The following MYO3B variants were observed in gnomAD, a reference collection of about 807,000 sequenced individuals.
The protein encoded by MYO3B is myosin-IIIb.
MYO3B carries 156 observed loss-of-function variants against 174.6 expected under a neutral mutation model. That is an observed-to-expected ratio of 0.89 (90% CI 0.78 to 1.02). The LOEUF is 1.02. MYO3B is among the 50% of genes least tolerant of loss of function. The probability of loss-of-function intolerance (pLI) is 0.00; values close to 1 mark genes in which losing one functional copy is unlikely to be tolerated. For missense variants in MYO3B, 1,632 were observed against 1,639.4 expected, an observed-to-expected ratio of 1.00 and a Z score of 0.08; for synonymous variants, 563 against 569.1, an observed-to-expected ratio of 0.99 and a Z score of 0.15.
intron 32 of MYO3B, among the ~76,000 whole-genome samples, chr2:170,553,044 G>T (rs571021103): frequency 1.3e-5 from 2 of 152,202 alleles, no homozygotes; most frequent in Non-Finnish European, 2.9e-5. Flanking sequence ...CTAGATTTCA[G>T]AGGATGTATG....
At chr2:170,391,461 A>G (rs2094411104) in intron 14 of MYO3B, 59 bp from the exon 15 acceptor site, 7 of 805,846 alleles carry the variant, frequency 8.7e-6, no homozygotes, top group Middle Eastern at 3.8e-4. Flanking sequence ...GAAATGGTGT[A>G]AAATACTTGG....
At chr2:170,649,042 GTATAT>G (rs1340937593) in intron 32 of MYO3B, among the ~76,000 whole-genome samples, 12 of 64,534 alleles carry the variant, frequency 1.9e-4, no homozygotes, top group Admixed American at 8.5e-4. Flanking sequence ...AATATATAAT[GTATAT>G]TATATAAAAT....
At chr2:170,322,145 T>C (rs1344352643) in intron 7 of MYO3B, among the ~76,000 whole-genome samples, 1 of 146,472 alleles carries the variant, frequency 6.8e-6, no homozygotes, top group African/African-American at 2.5e-5. Flanking sequence ...GTAGCAGCAC[T>C]ATAATATAGC....
At chr2:170,612,159 G>A (rs62168249) in intron 32 of MYO3B, among the ~76,000 whole-genome samples, 14 of 152,154 alleles carry the variant, frequency 9.2e-5, no homozygotes, top group Non-Finnish European at 1.6e-4. Context: ...GCATTGTCTT[G>A]TCTGTCACCT....
At chr2:170,212,097 G>A (rs7562586) in intron 3 of MYO3B, among the ~76,000 whole-genome samples, 82,485 of 151,762 alleles carry the variant, frequency 0.54, 22,461 homozygotes, top group Admixed American at 0.62. Context: ...TACAAAATTA[G>A]CTGGGTGTGG....
chr2:170,201,221 C>T (rs1431204177), intron 3 of MYO3B, among the ~76,000 whole-genome samples: 4 of 152,148 alleles, frequency 2.6e-5, no homozygotes. Context: ...GCTAAAATGA[C>T]AAGGAAAATA....
At chr2:170,259,023 G>A (rs1345709609) in intron 7 of MYO3B, among the ~76,000 whole-genome samples, 3 of 151,868 alleles carry the variant, frequency 2.0e-5, no homozygotes. Context: ...ATCTCTACGA[G>A]GATAACTAAA....
At chr2:170,514,847 G>T in intron 28 of MYO3B, 74 bp from the exon 29 acceptor site, 10 of 1,341,902 alleles carry the variant, frequency 7.5e-6, no homozygotes, top group Non-Finnish European at 1.0e-5. Flanking sequence ...TGGCCAACTT[G>T]TATCACCCAG....
At chr2:170,460,828 C>G (rs1003200319) in intron 23 of MYO3B, among the ~76,000 whole-genome samples, 9 of 152,306 alleles carry the variant, frequency 5.9e-5, no homozygotes, top group African/African-American at 2.2e-4. Flanking sequence ...GAAAACAATA[C>G]AGATTATTCC....
intron 6 of MYO3B, among the ~76,000 whole-genome samples, chr2:170,222,232 A>G (rs560420897): frequency 2.8e-4 from 43 of 152,330 alleles, no homozygotes; most frequent in Admixed American, 1.2e-3. Context: ...TGGCTCCAAC[A>G]TGCCAATAGC....
At chr2:170,285,180 T>C (rs1453065155) in intron 7 of MYO3B, among the ~76,000 whole-genome samples, 1 of 152,218 alleles carries the variant, frequency 6.6e-6, no homozygotes, top group East Asian at 1.9e-4. Context: ...TGTCTTCTTG[T>C]GGACAAGGGT....
rs17607032 is a variant in MYO3B at position 170,373,303 on chromosome 2, C to T, written c.971+3926C>T. Among the ~76,000 whole-genome samples, 2,534 of 152,286 alleles carry T rather than the reference C, an allele frequency of 0.017. 188 individuals are homozygous for T. The East Asian group carries it at 0.23, about 14-fold the overall frequency. On this transcript the variant is annotated intron_variant, in intron 9 of 34. Coordinates refer to ENST00000408978, the MANE Select transcript of MYO3B (RefSeq NM_138995.5). ...AAATTGCAAGACACGTCTTCATAGT[C>T]TATCAAATGCAATGCCAAGTACTTC...
chr2:170,205,143 G>A (rs1395206400), intron 3 of MYO3B, among the ~76,000 whole-genome samples: 1 of 152,144 alleles, frequency 6.6e-6, no homozygotes, highest in Non-Finnish European at 1.5e-5. Flanking sequence ...AGCACTGGCT[G>A]GGTAAGATTC....
intron 32 of MYO3B, among the ~76,000 whole-genome samples, chr2:170,551,646 G>A (rs1292060857): frequency 5.2e-5 from 3 of 58,076 alleles, no homozygotes; most frequent in Non-Finnish European, 1.1e-4. Context: ...GAAGAAAGAA[G>A]ACAGATTATA....
At chr2:170,298,426 C>G (rs1397130152) in intron 7 of MYO3B, among the ~76,000 whole-genome samples, 1 of 152,034 alleles carries the variant, frequency 6.6e-6, no homozygotes, top group African/African-American at 2.4e-5. Flanking sequence ...CCTGTAATCC[C>G]AACACTTTGG....
chr2:170,273,207 C>G (rs2093437946), intron 7 of MYO3B, among the ~76,000 whole-genome samples: 2 of 152,220 alleles, frequency 1.3e-5, no homozygotes, highest in Non-Finnish European at 2.9e-5. Flanking sequence ...CCCATCTCAC[C>G]CAGTGACCAT....
chr2:170,386,559 G>A (rs927890043), intron 13 of MYO3B, among the ~76,000 whole-genome samples: 1 of 152,130 alleles, frequency 6.6e-6, no homozygotes, highest in African/African-American at 2.4e-5. Context: ...AGTAAAAATG[G>A]TTAAGCACTA....
chr2:170,457,956 G>A (rs904654605), intron 23 of MYO3B, among the ~76,000 whole-genome samples: 30 of 152,084 alleles, frequency 2.0e-4, no homozygotes, highest in Middle Eastern at 3.2e-3. Flanking sequence ...GTTTCACTTC[G>A]TTGGCCAGGC....
chr2:170,414,529 A>C (rs570210923), intron 22 of MYO3B, among the ~76,000 whole-genome samples: 1 of 152,084 alleles, frequency 6.6e-6, no homozygotes, highest in Non-Finnish European at 1.5e-5. Flanking sequence ...CTTCAACTTT[A>C]TTCTTCTTTT....
Sources: allele counts gnomAD v4.1 joint callset (sites outside exome capture counted in the v4.1 genomes callset), GRCh38; gene constraint gnomAD v4.1.1; transcripts MANE v1.5; gene names NCBI Gene and HGNC (gene_info 2026-07-23, HGNC 2026-07-21).